The following NKAIN2 variants were observed in gnomAD, a reference collection of about 807,000 sequenced individuals.
NKAIN2 encodes sodium/potassium-transporting ATPase subunit beta-1-interacting protein 2.
In NKAIN2, 14 loss-of-function variants were observed where a neutral mutation model predicts 32.6. That is an observed-to-expected ratio of 0.43 (90% CI 0.28 to 0.67). The LOEUF (loss-of-function observed/expected upper bound fraction) is 0.67, where lower values mean the gene tolerates loss of function less well. NKAIN2 is among the 30% of genes least tolerant of loss of function. The pLI, the probability that NKAIN2 is intolerant of heterozygous loss-of-function variation, is 0.17. For synonymous variants in NKAIN2, 80 were observed against 87.2 expected (o/e 0.92, Z 0.46); for missense variants, 198 against 258.3 (o/e 0.77, Z 1.60).
At position 124,612,641 on chromosome 6, in the gene NKAIN2, C is replaced by G. The variant is rs533108802; in HGVS notation, c.274-45545C>G. Among the ~76,000 whole-genome samples, 36 of 152,274 alleles carry G rather than the reference C, an allele frequency of 2.4e-4. No individual in the cohort carries two copies. The South Asian group carries it at 7.0e-3, about 30-fold the overall frequency. ...TGGCTCAAAAATCTCTGGAGCAGCA[C>G]TTTCTTTGCCTATAAAATGAAACTA... On this transcript the variant is annotated intron_variant, in intron 3 of 6. Coordinates refer to ENST00000368417, the MANE Select transcript of NKAIN2 (RefSeq NM_001040214.3).
At chr6:124,005,933 C>G (rs899013992) in intron 1 of NKAIN2, among the ~76,000 whole-genome samples, 1 of 152,198 alleles carries the variant, frequency 6.6e-6, no homozygotes, top group Non-Finnish European at 1.5e-5. Context: ...AGGCCCTTGT[C>G]ATTTCACTGT....
intron 1 of NKAIN2, among the ~76,000 whole-genome samples, chr6:124,201,127 A>G (rs1426720056): frequency 2.0e-5 from 3 of 152,034 alleles, no homozygotes; most frequent in Non-Finnish European, 4.4e-5. Flanking sequence ...TAAAACAAAA[A>G]ATAACTGGCC....
chr6:124,638,514 A>G (rs895687491), intron 3 of NKAIN2, among the ~76,000 whole-genome samples: 3 of 152,208 alleles, frequency 2.0e-5, no homozygotes, highest in African/African-American at 7.2e-5. Context: ...CTATTCGTAC[A>G]AGAGATTAAT....
intron 3 of NKAIN2, among the ~76,000 whole-genome samples, chr6:124,619,238 C>T (rs192469649): frequency 7.9e-5 from 12 of 152,218 alleles, no homozygotes; most frequent in African/African-American, 1.2e-4. Context: ...CAAAGATGCT[C>T]AGCCTATGTC....
chr6:124,722,558 G>A (rs1013394547), intron 4 of NKAIN2, among the ~76,000 whole-genome samples: 3 of 152,110 alleles, frequency 2.0e-5, no homozygotes, highest in African/African-American at 7.2e-5. Flanking sequence ...CCTAGATCAC[G>A]TGCATCGCAG....
At chr6:124,120,298 T>TGTA (rs1335818611) in intron 1 of NKAIN2, among the ~76,000 whole-genome samples, 1 of 152,200 alleles carries the variant, frequency 6.6e-6, no homozygotes, top group African/African-American at 2.4e-5. Flanking sequence ...TCACAGATCT[T>TGTA]GTAATTTTAA....
rs555375016 is a variant in NKAIN2 at position 123,866,176 on chromosome 6, T to A, written c.54+61922T>A. Among the ~76,000 whole-genome samples, 6 of 152,334 alleles carry A rather than the reference T, an allele frequency of 3.9e-5. No homozygotes were observed. The South Asian group carries it at 1.2e-3, about 32-fold the overall frequency. On this transcript the variant is annotated intron_variant, in intron 1 of 6. Coordinates refer to ENST00000368417, the MANE Select transcript of NKAIN2 (RefSeq NM_001040214.3). ...CTCAGTGCCGTTGGTTATTTAGTTT[T>A]CTCTCCCCTGTACCTTTAACATCTC...
intron 1 of NKAIN2, among the ~76,000 whole-genome samples, chr6:123,940,448 A>AT (rs1172458598): frequency 6.6e-6 from 1 of 151,780 alleles, no homozygotes; most frequent in Non-Finnish European, 1.5e-5. Flanking sequence ...TTGTGACATG[A>AT]TTTTGTCATT....
At chr6:124,284,923 G>T (rs1170241366) in intron 2 of NKAIN2, among the ~76,000 whole-genome samples, 1 of 151,866 alleles carries the variant, frequency 6.6e-6, no homozygotes, top group African/African-American at 2.4e-5. Flanking sequence ...AAAAAAATTT[G>T]GGCTTTCTAT....
chr6:124,531,882 G>T (rs989190317), intron 3 of NKAIN2, among the ~76,000 whole-genome samples: 3 of 152,182 alleles, frequency 2.0e-5, no homozygotes, highest in African/African-American at 7.2e-5. Context: ...TGTTGGCAAA[G>T]CTGTTGTTGA....
chr6:124,729,195 C>T (rs1001868404), intron 4 of NKAIN2, among the ~76,000 whole-genome samples: 1 of 151,916 alleles, frequency 6.6e-6, no homozygotes, highest in Admixed American at 6.6e-5. Flanking sequence ...GAAATCCTCC[C>T]TAACTCATTT....
At chr6:124,327,025 A>G (rs9482536) in intron 2 of NKAIN2, among the ~76,000 whole-genome samples, 9,600 of 151,468 alleles carry the variant, frequency 0.063, 529 homozygotes, top group East Asian at 0.26. Flanking sequence ...TTTATTTACA[A>G]TTGAGCAGTT....
intron 1 of NKAIN2, among the ~76,000 whole-genome samples, chr6:124,145,672 A>C (rs1787364130): frequency 2.0e-5 from 3 of 151,848 alleles, no homozygotes; most frequent in Admixed American, 2.0e-4. Context: ...TGCCCAGCTA[A>C]TTTTTTGTAT....
At chr6:124,649,581 G>A (rs1285406212) in intron 3 of NKAIN2, among the ~76,000 whole-genome samples, 1 of 152,168 alleles carries the variant, frequency 6.6e-6, no homozygotes, top group Non-Finnish European at 1.5e-5. Flanking sequence ...TCAGAAGATA[G>A]AAGCAGAGAC....
At chr6:123,835,370 A>C (rs2114922663) in intron 1 of NKAIN2, among the ~76,000 whole-genome samples, 1 of 152,330 alleles carries the variant, frequency 6.6e-6, no homozygotes, top group African/African-American at 2.4e-5. Context: ...TATTCTGTAC[A>C]TAGTTGTCAT....
intron 1 of NKAIN2, among the ~76,000 whole-genome samples, chr6:124,229,533 T>TAGATAGATAGACAGAC (rs1298590453): frequency 2.4e-3 from 352 of 149,162 alleles, no homozygotes; most frequent in African/African-American, 7.3e-3. Context: ...GATAGATAGA[T>TAGATAGATAGACAGAC]AGACAGACAG....
At chr6:124,017,096 A>T (rs986406954) in intron 1 of NKAIN2, among the ~76,000 whole-genome samples, 2 of 152,332 alleles carry the variant, frequency 1.3e-5, no homozygotes, top group Middle Eastern at 3.4e-3. Flanking sequence ...GAGGCCTCAC[A>T]ATCATGGCGG....
chr6:124,809,570 T>C (rs1178321292), intron 5 of NKAIN2, among the ~76,000 whole-genome samples: 1 of 150,660 alleles, frequency 6.6e-6, no homozygotes, highest in South Asian at 2.2e-4. Flanking sequence ...GACATAGGCA[T>C]GGGCAAGGAC....
chr6:124,243,101 T>A (rs1417465059), intron 1 of NKAIN2, among the ~76,000 whole-genome samples: 2 of 150,420 alleles, frequency 1.3e-5, no homozygotes, highest in African/African-American at 4.9e-5. Flanking sequence ...CACAGATTTG[T>A]CATAAGAGAT....
Sources: gnomAD v4.1 joint callset for allele counts (sites outside exome capture counted in the v4.1 genomes callset) on GRCh38, gnomAD v4.1.1 for gene constraint, MANE v1.5 for transcripts, NCBI Gene and HGNC (gene_info 2026-07-23, HGNC 2026-07-21) for gene names.